XDH: variants seen among roughly 807,000 people sequenced by gnomAD.
XDH encodes the protein xanthine dehydrogenase/oxidase.
XDH carries 138 observed loss-of-function variants against 156.1 expected under a neutral mutation model. That is an observed-to-expected ratio of 0.88 (90% CI 0.77 to 1.02). XDH has a LOEUF of 1.02. Among genes scored for constraint, XDH ranks in the 50% least tolerant of loss-of-function variants. The probability of loss-of-function intolerance (pLI) is 0.00; values close to 1 mark genes in which losing one functional copy is unlikely to be tolerated. For synonymous variants in XDH, 669 were observed against 625.7 expected, an observed-to-expected ratio of 1.07 and a Z score of -1.03; for missense variants, 1,849 against 1,684.9, an observed-to-expected ratio of 1.10 and a Z score of -1.71.
chr2:31,340,613 G>T (rs373417828), intron 33 of XDH, among the ~76,000 whole-genome samples: 11 of 152,018 alleles, frequency 7.2e-5, no homozygotes. Context: ...GGGATTACAG[G>T]TGCATGCCAC....
intron 34 of XDH, among the ~76,000 whole-genome samples, chr2:31,338,082 C>T (rs1197108721): frequency 6.6e-6 from 1 of 152,200 alleles, no homozygotes; most frequent in Non-Finnish European, 1.5e-5. Context: ...TGACATCATG[C>T]ACATATAATG....
At chr2:31,348,017 G>T (rs879374008) in intron 28 of XDH, among the ~76,000 whole-genome samples, 1 of 152,206 alleles carries the variant, frequency 6.6e-6, no homozygotes, top group Admixed American at 6.5e-5. Flanking sequence ...TACACACAGA[G>T]CATGCCCGCC....
chr2:31,380,024 G>T, intron 12 of XDH, 48 bp from the exon 13 acceptor site: 1 of 1,580,592 alleles, frequency 6.3e-7, no homozygotes, highest in Non-Finnish European at 8.7e-7. Context: ...GAAAGGCTGG[G>T]AACCCCCCAT....
At position 31,379,920 on chromosome 2, in the gene XDH, G is replaced by A. The variant is rs1407513623; in HGVS notation, c.1189C>T (p.Leu397=). 1 of 1,614,164 alleles carries A rather than the reference G, an allele frequency of 6.2e-7. No individual in the cohort carries two copies. Among genetic ancestry groups the A allele is most frequent in the South Asian group, 1.1e-5 (1 of 91,072 alleles). The change falls in exon 13 of 36, where the codon CTG becomes TTG. Residue 397 remains leucine (L), a synonymous_variant. Coordinates refer to ENST00000379416, the MANE Select transcript of XDH (RefSeq NM_000379.4). ...AGCAGTATCTCCTCCGGGCTCAGCA[G>A]GGTCTTTCTGTAGCCAGGGAAGAAG... ...HTFFPGYRKT[L]LSPEEILLSI... is the part of the protein sequence containing the mutation.
At chr2:31,336,707 G>T (rs1240815375) in intron 35 of XDH, among the ~76,000 whole-genome samples, 1 of 150,468 alleles carries the variant, frequency 6.6e-6, no homozygotes, top group African/African-American at 2.5e-5. Context: ...ACTGTGTTGA[G>T]GTCTGCGGAT....
intron 11 of XDH, 131 bp downstream of exon 11, chr2:31,382,870 C>A: frequency 7.4e-7 from 1 of 1,359,882 alleles, no homozygotes; most frequent in South Asian, 1.2e-5. Flanking sequence ...TTAACAAGCA[C>A]TGCTCCTCCC....
At chr2:31,383,271 T>C in intron 10 of XDH, 119 bp from the exon 11 acceptor site, 1 of 1,496,498 alleles carries the variant, frequency 6.7e-7, no homozygotes, top group Non-Finnish European at 9.2e-7. Context: ...ACTCACAGCT[T>C]TCCATGGATG....
Position 31,365,981 on chromosome 2 carries a change from T to C in XDH, c.2451A>G (p.Ala817=), listed in dbSNP as rs1036125302. ...AAACAGGCTTTGGAACTCACTTATA[T>C]GCAGCCAGGGCCACTGCCGTGGACA... The part of the protein sequence containing the change: ...TVVSTAVALA[A]YKTGRPVRCM... The change falls in exon 22 of 36, where the codon GCA becomes GCG. Residue 817 remains alanine, a synonymous_variant. Transcript: ENST00000379416. 3 of 1,614,242 alleles carry C rather than the reference T, an allele frequency of 1.9e-6. No individual in the cohort carries two copies. The highest frequency in any genetic ancestry group is 2.5e-6 in the Non-Finnish European group (3 of 1,180,040).
chr2:31,414,531 A>T lies in XDH; in HGVS notation c.42+94T>A. On this transcript the variant is annotated intron_variant, in intron 1 of 35. Transcript: ENST00000379416. Reference sequence around the variant, plus strand: ...AAAGACAGAACAAGTAAGAGGGGACAGGAAAGACAGAGAACAAGATATGGC... The same window carrying T: ...AAAGACAGAACAAGTAAGAGGGGACTGGAAAGACAGAGAACAAGATATGGC... 1.9e-6 allele frequency: 3 copies of T among 1,539,340 alleles called. No homozygotes were observed. In the South Asian group the frequency reaches 3.3e-5, roughly 17 times the overall value.
Position 31,403,152 on chromosome 2 carries a change from G to A in XDH, c.101-8C>T, listed in dbSNP as rs1687106933. 1 of 1,614,054 alleles carries A rather than the reference G, an allele frequency of 6.2e-7. No homozygotes were observed. On this transcript the variant is annotated splice_region_variant and splice_polypyrimidine_tract_variant and intron_variant, in intron 2 of 35. Transcript: ENST00000379416. The stretch of plus-strand genomic sequence containing the variant: ...TGGTTCCACTCAGCCCCACTGGGTG[G>A]TCAAGAGTTAAGGAGAATGAACTCA...
intron 6 of XDH, among the ~76,000 whole-genome samples, chr2:31,392,207 G>A (rs1686785388): frequency 1.3e-5 from 2 of 151,490 alleles, no homozygotes; most frequent in African/African-American, 2.4e-5. Context: ...TAGTTAGCCT[G>A]GCCAGAGGCT....
chr2:31,399,268 TG>T (rs1205670785), intron 4 of XDH, among the ~76,000 whole-genome samples: 8 of 152,092 alleles, frequency 5.3e-5, no homozygotes, highest in Non-Finnish European at 7.4e-5. Context: ...CAATTGGAAA[TG>T]TAACTTCTGA....
chr2:31,367,424 G>T (rs1236469181), intron 20 of XDH, among the ~76,000 whole-genome samples: 3 of 152,210 alleles, frequency 2.0e-5, no homozygotes. Context: ...TTGTTGGAGA[G>T]TTGGCTTCAT....
At chr2:31,379,604 A>G (rs1686375163) in intron 13 of XDH, among the ~76,000 whole-genome samples, 1 of 152,192 alleles carries the variant, frequency 6.6e-6, no homozygotes, top group Non-Finnish European at 1.5e-5. Context: ...GGGGCTCAGA[A>G]AGGTGAAATG....
At chr2:31,358,030 A>G (rs1157578620) in intron 24 of XDH, among the ~76,000 whole-genome samples, 2 of 152,014 alleles carry the variant, frequency 1.3e-5, no homozygotes, top group African/African-American at 4.8e-5. Flanking sequence ...AGGACAGATC[A>G]ACGAGACAGA....
At chr2:31,397,136 A>C (rs1415614384) in intron 6 of XDH, among the ~76,000 whole-genome samples, 1 of 152,210 alleles carries the variant, frequency 6.6e-6, no homozygotes, top group African/African-American at 2.4e-5. Context: ...ATCAATGCCC[A>C]CACATCCGGC....
At chr2:31,391,486 A>G (rs945916933) in intron 6 of XDH, among the ~76,000 whole-genome samples, 5 of 152,058 alleles carry the variant, frequency 3.3e-5, no homozygotes, top group African/African-American at 1.2e-4. Context: ...GCTATTCTGG[A>G]TCTTGTTCTT....
At chr2:31,348,457 C>A in intron 27 of XDH, 94 bp from the exon 28 acceptor site, 1 of 1,207,734 alleles carries the variant, frequency 8.3e-7, no homozygotes, top group East Asian at 2.5e-5. Flanking sequence ...AACAAGAGAA[C>A]CAGCAGCATT....
intron 2 of XDH, among the ~76,000 whole-genome samples, chr2:31,405,332 A>T (rs1687165182): frequency 6.6e-6 from 1 of 152,174 alleles, no homozygotes; most frequent in South Asian, 2.1e-4. Context: ...AACTAAAGGT[A>T]AAGGGGCTTT....
Sources: gnomAD v4.1 joint callset for allele counts (sites outside exome capture counted in the v4.1 genomes callset) on GRCh38, gnomAD v4.1.1 for gene constraint, MANE v1.5 for transcripts, NCBI Gene and HGNC (gene_info 2026-07-23, HGNC 2026-07-21) for gene names.